COLGALT2: variants seen among roughly 807,000 people sequenced by gnomAD.
COLGALT2 encodes the protein procollagen galactosyltransferase 2.
COLGALT2 carries 49 observed loss-of-function variants against 73.4 expected under a neutral mutation model. The observed-to-expected ratio is 0.67, with a 90% CI of 0.53 to 0.85. The LOEUF (loss-of-function observed/expected upper bound fraction) is 0.85. Among genes scored for constraint, COLGALT2 ranks in the 40% least tolerant of loss-of-function variants. The pLI is 0.00. For missense variants in COLGALT2, 722 were observed against 790.2 expected, an observed-to-expected ratio of 0.91 and a Z score of 1.03; for synonymous variants, 295 against 307.6, an observed-to-expected ratio of 0.96 and a Z score of 0.43.
intron 1 of COLGALT2, among the ~76,000 whole-genome samples, chr1:183,980,881 A>C (rs542204885): frequency 7.9e-5 from 12 of 152,170 alleles, no homozygotes; most frequent in Non-Finnish European, 1.8e-4. Context: ...AGAATTTTCA[A>C]TATGAAGGAA....
At chr1:183,932,185 C>T (rs1669861995), downstream of COLGALT2, among the ~76,000 whole-genome samples, 1 of 152,138 alleles carries the variant, frequency 6.6e-6, no homozygotes, top group Non-Finnish European at 1.5e-5. Context: ...GACACATTAT[C>T]CCCCAGCAGC....
At chr1:183,992,493 A>T (rs1572662369) in intron 1 of COLGALT2, among the ~76,000 whole-genome samples, 1 of 152,204 alleles carries the variant, frequency 6.6e-6, no homozygotes, top group South Asian at 2.1e-4. Flanking sequence ...AGCCATCTTC[A>T]TGCCTCAGAA....
chr1:183,967,157 T>TA (rs1454941151), intron 5 of COLGALT2, among the ~76,000 whole-genome samples: 29 of 152,354 alleles, frequency 1.9e-4, no homozygotes, highest in African/African-American at 6.7e-4. Flanking sequence ...AATATTACCT[T>TA]AAAATCCACA....
At chr1:184,019,935 G>A (rs1212658017) in intron 1 of COLGALT2, among the ~76,000 whole-genome samples, 1 of 152,174 alleles carries the variant, frequency 6.6e-6, no homozygotes, top group East Asian at 1.9e-4. Context: ...GATGCATGCT[G>A]TAAATTTAGC....
At chr1:183,998,396 A>G (rs1426444484) in intron 1 of COLGALT2, among the ~76,000 whole-genome samples, 1 of 152,104 alleles carries the variant, frequency 6.6e-6, no homozygotes, top group Non-Finnish European at 1.5e-5. Flanking sequence ...TTGATTCTCT[A>G]CATTATTTCT....
intron 1 of COLGALT2, among the ~76,000 whole-genome samples, chr1:184,020,480 A>C (rs1649144067): frequency 1.3e-5 from 2 of 152,270 alleles, no homozygotes; most frequent in South Asian, 4.2e-4. Flanking sequence ...TCAGCCATAC[A>C]AACCTTCTTT....
chr1:184,002,532 T>C (rs1290897388), intron 1 of COLGALT2, among the ~76,000 whole-genome samples: 1 of 152,330 alleles, frequency 6.6e-6, no homozygotes, highest in Admixed American at 6.5e-5. Flanking sequence ...ACTTAAAGAA[T>C]AATTATTATA....
intron 1 of COLGALT2, among the ~76,000 whole-genome samples, chr1:184,003,515 A>G (rs2102840795): frequency 6.6e-6 from 1 of 152,304 alleles, no homozygotes; most frequent in Middle Eastern, 3.4e-3. Context: ...AGATGGCTGC[A>G]GCCTCCCAGC....
At chr1:183,981,325 T>C (rs1432744601) in intron 1 of COLGALT2, among the ~76,000 whole-genome samples, 3 of 152,188 alleles carry the variant, frequency 2.0e-5, no homozygotes, top group African/African-American at 7.2e-5. Flanking sequence ...CTTTCACTGC[T>C]ATTTGTAGGA....
In COLGALT2 at chr1:183,935,969, T is replaced by C; in HGVS notation, c.*2792A>G. On this transcript the variant is annotated 3_prime_UTR_variant, in exon 12 of 12. Coordinates refer to ENST00000361927, the MANE Select transcript of COLGALT2 (RefSeq NM_015101.4). ...GTCCACTCTTTCTTGTTCTCAGAGC[T>C]CCTGCAGCAGGCCTGAATGAACCGC... 1.0e-6 allele frequency: 1 copy of C among 985,252 alleles called. No individual in the cohort carries two copies. The highest frequency in any genetic ancestry group is 1.2e-6 in the Non-Finnish European group (1 of 829,938). 61.0% of individuals were successfully genotyped at this position (985,252 alleles called of 1,614,324 possible). A position where few individuals can be genotyped will look rare whatever the true frequency, so the allele number is the denominator to read the frequency against.
At chr1:183,935,748 T>C (rs1384520859), downstream of COLGALT2, 7 of 639,486 alleles carry the variant, frequency 1.1e-5, no homozygotes, top group African/African-American at 2.0e-5. Context: ...CCCCTGACTC[T>C]GACATCCTTG....
chr1:183,954,905 G>A (rs773002118), intron 6 of COLGALT2, 67 bp from the exon 7 acceptor site: 37 of 1,196,886 alleles, frequency 3.1e-5, no homozygotes, highest in Admixed American at 6.9e-5. Flanking sequence ...AATTCCATCC[G>A]CATGCCTGAT....
At chr1:183,941,026 C>T (rs1887279) in intron 10 of COLGALT2, among the ~76,000 whole-genome samples, 26,151 of 152,082 alleles carry the variant, frequency 0.17, 2,446 homozygotes, top group Admixed American at 0.26. Context: ...GCCTAGTGGA[C>T]GGTTTTCAAG....
chr1:184,018,655 A>T (rs1649081050), intron 1 of COLGALT2, among the ~76,000 whole-genome samples: 1 of 152,212 alleles, frequency 6.6e-6, no homozygotes, highest in South Asian at 2.1e-4. Flanking sequence ...TGAAAATCTA[A>T]ATATTTATTA....
At chr1:184,014,653 T>C (rs1236438908) in intron 1 of COLGALT2, among the ~76,000 whole-genome samples, 1 of 152,164 alleles carries the variant, frequency 6.6e-6, no homozygotes, top group African/African-American at 2.4e-5. Flanking sequence ...AATAAATATC[T>C]GTTGAATTAA....
At chr1:183,986,108 C>G (rs960503552) in intron 1 of COLGALT2, among the ~76,000 whole-genome samples, 5 of 152,198 alleles carry the variant, frequency 3.3e-5, no homozygotes, top group Non-Finnish European at 7.3e-5. Flanking sequence ...CATGCTCAGC[C>G]ACTCAGCAAA....
chr1:183,993,743 T>A (rs1421259197), intron 1 of COLGALT2, among the ~76,000 whole-genome samples: 1 of 152,194 alleles, frequency 6.6e-6, no homozygotes, highest in Non-Finnish European at 1.5e-5. Flanking sequence ...GTCCCCAGAA[T>A]TTCCTAATTT....
At chr1:183,933,540 C>CTCCT (rs1444185416), downstream of COLGALT2, among the ~76,000 whole-genome samples, 2 of 152,252 alleles carry the variant, frequency 1.3e-5, no homozygotes, top group African/African-American at 4.8e-5. Flanking sequence ...GACAACTGAA[C>CTCCT]TCCTGTCTGG....
At chr1:184,026,831 C>T (rs552570546) in intron 1 of COLGALT2, among the ~76,000 whole-genome samples, 1 of 152,182 alleles carries the variant, frequency 6.6e-6, no homozygotes, top group South Asian at 2.1e-4. Flanking sequence ...ATGAATTCTA[C>T]TTAGTTTAAA....
Sources: gnomAD v4.1 joint callset for allele counts (sites outside exome capture counted in the v4.1 genomes callset) on GRCh38, gnomAD v4.1.1 for gene constraint, MANE v1.5 for transcripts, NCBI Gene and HGNC (gene_info 2026-07-23, HGNC 2026-07-21) for gene names.